The following BRSK2 variants were observed in gnomAD, a reference collection of about 807,000 sequenced individuals.
BRSK2 encodes the protein serine/threonine-protein kinase BRSK2.
In BRSK2, 19 loss-of-function variants were observed where a neutral mutation model predicts 83.3. That is an observed-to-expected ratio of 0.23 (90% CI 0.16 to 0.33). The LOEUF (loss-of-function observed/expected upper bound fraction) is 0.33, where lower values mean the gene tolerates loss of function less well. Ranked by LOEUF, BRSK2 falls within the 10% of genes least tolerant of loss-of-function variation. The pLI is 1.00. For missense variants in BRSK2, 798 were observed against 1,042.3 expected (o/e 0.77, Z 3.23); for synonymous variants, 519 against 435.4 (o/e 1.19, Z -2.39).
chr11:1,403,350 GC>G (rs1371411434), intron 1 of BRSK2, among the ~76,000 whole-genome samples: 4 of 152,216 alleles, frequency 2.6e-5, no homozygotes, highest in Non-Finnish European at 1.5e-5. Context: ...AGCGTCACTG[GC>G]TCACCGGTCA....
At chr11:1,437,545 C>T (rs796816418) in intron 2 of BRSK2, among the ~76,000 whole-genome samples, 48 of 152,336 alleles carry the variant, frequency 3.2e-4, no homozygotes, top group African/African-American at 1.1e-3. Flanking sequence ...ACTTCTGCCC[C>T]TCCCTGGGGC....
chr11:1,403,866 C>T (rs1846657184), intron 1 of BRSK2, among the ~76,000 whole-genome samples: 4 of 152,126 alleles, frequency 2.6e-5, no homozygotes. Flanking sequence ...ACACGTTGAG[C>T]GCTTCCCCAC....
In BRSK2 at chr11:1,445,916, G is replaced by C. The variant is rs1341775697; in HGVS notation, c.1226+9G>C. Reference sequence around the variant, plus strand: ...GCCCAGCACGGCCAGAGGTGTGTGTGCCCCGAGGCTGCTGGGCCTCCCTCC... The same window carrying C: ...GCCCAGCACGGCCAGAGGTGTGTGTCCCCCGAGGCTGCTGGGCCTCCCTCC... On this transcript the variant is annotated intron_variant, in intron 12 of 19. Transcript: ENST00000528841. 2 of 1,596,958 alleles carry C rather than the reference G, an allele frequency of 1.3e-6. No individual in the cohort carries two copies. The highest frequency in any genetic ancestry group is 2.7e-5 in the African/African-American group (2 of 74,596).
chr11:1,421,536 A>G (rs1368272170), intron 1 of BRSK2, among the ~76,000 whole-genome samples: 1 of 152,158 alleles, frequency 6.6e-6, no homozygotes, highest in Non-Finnish European at 1.5e-5. Context: ...GAATTTAACT[A>G]GAGAGGTTCT....
chr11:1,454,816 G>C lies in BRSK2; in HGVS notation c.1668+208G>C, dbSNP rs984331790. Among the ~76,000 whole-genome samples, 2 of 152,214 alleles carry C rather than the reference G, an allele frequency of 1.3e-5. No individual in the cohort carries two copies. Among genetic ancestry groups the C allele is most frequent in the African/African-American group, 2.4e-5 (1 of 41,456 alleles). On this transcript the variant is annotated intron_variant, in intron 16 of 19. Coordinates refer to ENST00000528841, the MANE Select transcript of BRSK2 (RefSeq NM_001256627.2). The surrounding 1 kb of genome is among the most constrained non-coding windows in gnomAD (Gnocchi z 5.2). ...AGGGAGGGGTCACTGCCCATCTGGGGTGCTTGGCCTGCGGAGGGAGTCAGG... is the reference window on the plus strand; with the variant it reads ...AGGGAGGGGTCACTGCCCATCTGGGCTGCTTGGCCTGCGGAGGGAGTCAGG...
chr11:1,450,471 C>T (rs1845681675), intron 13 of BRSK2, 116 bp from the exon 14 acceptor site: 8 of 599,854 alleles, frequency 1.3e-5, no homozygotes, highest in Admixed American at 3.6e-5. Context: ...CGGCCTCCCG[C>T]CACTGGCCTT....
At chr11:1,439,139 G>T (rs1850781261) in intron 3 of BRSK2, among the ~76,000 whole-genome samples, 1 of 152,208 alleles carries the variant, frequency 6.6e-6, no homozygotes, top group African/African-American at 2.4e-5. Context: ...GCATCTCTGA[G>T]GCATCAGGCT....
Position 1,438,757 on chromosome 11 carries a change from C to G in BRSK2, c.272+366C>G, listed in dbSNP as rs1449704399. Among the ~76,000 whole-genome samples the G allele has an allele frequency of 2.0e-5, 3 of 152,138 alleles. No individual in the cohort carries two copies. The highest frequency in any genetic ancestry group is 6.5e-5 in the Admixed American group (1 of 15,284). On this transcript the variant is annotated intron_variant, in intron 3 of 19. Coordinates refer to ENST00000528841, the MANE Select transcript of BRSK2 (RefSeq NM_001256627.2). The surrounding 1 kb of genome is among the most constrained non-coding windows in gnomAD (Gnocchi z 6.4). ...CCTCCTGGCCTCTGCCCAGGACGTC[C>G]CCAGCCCTGGGCAGTGAGCCATGTC...
At chr11:1,406,973 G>A (rs973208311) in intron 1 of BRSK2, among the ~76,000 whole-genome samples, 3 of 152,190 alleles carry the variant, frequency 2.0e-5, no homozygotes, top group African/African-American at 7.2e-5. Context: ...GCGTGCAAAC[G>A]TGTGTGCGCA....
At chr11:1,446,090 TAGCTG>T (rs1564859156) in intron 12 of BRSK2, among the ~76,000 whole-genome samples, 183 bp downstream of exon 12, 2 of 109,492 alleles carry the variant, frequency 1.8e-5, no homozygotes, top group Non-Finnish European at 3.9e-5. Context: ...GGGCTGGGCT[TAGCTG>T]GGCTGGGCTG....
chr11:1,457,273 G>T (rs1459361896), intron 18 of BRSK2, among the ~76,000 whole-genome samples: 3 of 152,186 alleles, frequency 2.0e-5, no homozygotes, highest in African/African-American at 7.2e-5. Flanking sequence ...ACCCTAGGAG[G>T]GCCGCGGGCT....
intron 1 of BRSK2, among the ~76,000 whole-genome samples, chr11:1,415,049 C>T (rs966679063): frequency 5.9e-5 from 9 of 151,506 alleles, no homozygotes; most frequent in Non-Finnish European, 8.8e-5. Context: ...TCCCTGAGCT[C>T]AGTTCCTGGG....
intron 18 of BRSK2, among the ~76,000 whole-genome samples, chr11:1,458,400 G>A (rs1338389302): frequency 6.6e-6 from 1 of 152,082 alleles, no homozygotes; most frequent in Non-Finnish European, 1.5e-5. Context: ...ATCTCCCTGT[G>A]GACTTGGGGA....
chr11:1,408,528 A>G (rs959935763), intron 1 of BRSK2, among the ~76,000 whole-genome samples: 53 of 152,180 alleles, frequency 3.5e-4, no homozygotes, highest in African/African-American at 9.4e-4. Flanking sequence ...GAGACACCTG[A>G]GTGCTATGGC....
chr11:1,396,116 G>A (rs1029247369), intron 1 of BRSK2, among the ~76,000 whole-genome samples: 1 of 152,084 alleles, frequency 6.6e-6, no homozygotes, highest in East Asian at 1.9e-4. Context: ...CTCTGAGGGT[G>A]GCTGGGAGTG....
At chr11:1,435,842 A>T (rs1850233670) in intron 1 of BRSK2, among the ~76,000 whole-genome samples, 198 bp from the exon 2 acceptor site, 1 of 151,594 alleles carries the variant, frequency 6.6e-6, no homozygotes, top group Non-Finnish European at 1.5e-5. Context: ...GGGAAGACAC[A>T]GCTTTGCAGG....
intron 1 of BRSK2, among the ~76,000 whole-genome samples, chr11:1,414,955 A>T (rs1847934651): frequency 6.6e-6 from 1 of 152,220 alleles, no homozygotes; most frequent in South Asian, 2.1e-4. Flanking sequence ...TTCGCCTATC[A>T]TCTGCCGTGG....
chr11:1,433,224 C>G (rs911782357), intron 1 of BRSK2, among the ~76,000 whole-genome samples: 3 of 152,250 alleles, frequency 2.0e-5, no homozygotes, highest in Admixed American at 2.0e-4. Flanking sequence ...TTGGGGCCAT[C>G]TTTTGTGAAA....
intron 1 of BRSK2, among the ~76,000 whole-genome samples, chr11:1,404,019 C>T (rs1325600807): frequency 6.6e-6 from 1 of 152,182 alleles, no homozygotes; most frequent in Non-Finnish European, 1.5e-5. Context: ...CAAGCCCCTG[C>T]CCCTCTCCTG....
Sources: gnomAD v4.1 joint callset for allele counts (sites outside exome capture counted in the v4.1 genomes callset) on GRCh38, gnomAD v4.1.1 for gene constraint, Gnocchi (gnomAD v3.1) non-coding constraint, MANE v1.5 for transcripts, NCBI Gene and HGNC (gene_info 2026-07-23, HGNC 2026-07-21) for gene names.